The following OPCML variants were observed in gnomAD, a reference collection of about 807,000 sequenced individuals.
The protein encoded by OPCML is opioid-binding protein/cell adhesion molecule.
In OPCML, 13 loss-of-function variants were observed where a neutral mutation model predicts 37.8. That is an observed-to-expected ratio of 0.34 (90% CI 0.22 to 0.55). The LOEUF (loss-of-function observed/expected upper bound fraction) is 0.55, where lower values mean the gene tolerates loss of function less well. Ranked by LOEUF, OPCML falls within the 20% of genes least tolerant of loss-of-function variation. The pLI, the probability that OPCML is intolerant of heterozygous loss-of-function variation, is 0.91. For synonymous variants in OPCML, 176 were observed against 168.8 expected, an observed-to-expected ratio of 1.04 and a Z score of -0.33; for missense variants, 341 against 435.6, an observed-to-expected ratio of 0.78 and a Z score of 1.93.
At chr11:132,695,485 T>C (rs899564926) in intron 2 of OPCML, among the ~76,000 whole-genome samples, 1 of 152,164 alleles carries the variant, frequency 6.6e-6, no homozygotes, top group Non-Finnish European at 1.5e-5. Context: ...TATAACACAT[T>C]AAGGAGCTTA....
At chr11:132,730,134 T>C (rs1304389030) in intron 2 of OPCML, among the ~76,000 whole-genome samples, 2 of 147,896 alleles carry the variant, frequency 1.4e-5, no homozygotes, top group Non-Finnish European at 3.0e-5. Context: ...TGCCTCAGCC[T>C]CCCGAGTAGC....
chr11:132,614,459 C>G (rs1035601211), intron 3 of OPCML, among the ~76,000 whole-genome samples: 1 of 152,162 alleles, frequency 6.6e-6, no homozygotes, highest in Non-Finnish European at 1.5e-5. Flanking sequence ...GCAGTGACAC[C>G]TTCCTCTTCC....
chr11:133,529,621 T>C (rs1307723420), intron 1 of OPCML, among the ~76,000 whole-genome samples: 2 of 152,202 alleles, frequency 1.3e-5, no homozygotes, highest in Non-Finnish European at 2.9e-5. Context: ...GATGGATACA[T>C]GTTTTACCAA....
intron 2 of OPCML, among the ~76,000 whole-genome samples, chr11:132,687,859 G>C (rs769516287): frequency 6.6e-6 from 1 of 152,092 alleles, no homozygotes; most frequent in Non-Finnish European, 1.5e-5. Flanking sequence ...TAGAGGGGTA[G>C]ACTTTTTTAG....
intron 1 of OPCML, among the ~76,000 whole-genome samples, chr11:133,348,813 A>G (rs1420934032): frequency 6.6e-6 from 1 of 152,152 alleles, no homozygotes; most frequent in Non-Finnish European, 1.5e-5. Context: ...CTTCATCGAT[A>G]TTTATACCGT....
chr11:132,564,054 T>C (rs1388237302), intron 3 of OPCML, among the ~76,000 whole-genome samples: 1 of 152,110 alleles, frequency 6.6e-6, no homozygotes, highest in African/African-American at 2.4e-5. Context: ...GTGAGAAAAG[T>C]GAGGCTGAGC....
chr11:132,923,079 A>AAAATAAATAAAT (rs71477781), intron 2 of OPCML, among the ~76,000 whole-genome samples: 37 of 146,076 alleles, frequency 2.5e-4, no homozygotes, highest in Admixed American at 1.1e-3. Flanking sequence ...GTCTCAGAAA[A>AAAATAAATAAAT]AAATAAATAA....
chr11:133,370,043 C>CA (rs1944638473), intron 1 of OPCML, among the ~76,000 whole-genome samples: 1 of 152,100 alleles, frequency 6.6e-6, no homozygotes, highest in African/African-American at 2.4e-5. Flanking sequence ...TGATTTTGCA[C>CA]ATGAAACAAA....
At chr11:132,751,107 G>T (rs1378054956) in intron 2 of OPCML, among the ~76,000 whole-genome samples, 1 of 152,164 alleles carries the variant, frequency 6.6e-6, no homozygotes, top group East Asian at 1.9e-4. Flanking sequence ...AAGAACAAAA[G>T]CTGATCATGG....
intron 1 of OPCML, among the ~76,000 whole-genome samples, chr11:132,948,272 G>A (rs115192701): frequency 0.023 from 3,543 of 152,318 alleles, 147 homozygotes; most frequent in African/African-American, 0.08. Context: ...ACCAGGGTTG[G>A]TCAGGAGGCA....
chr11:132,729,217 T>A (rs1939524), intron 2 of OPCML, among the ~76,000 whole-genome samples: 105,848 of 152,090 alleles, frequency 0.7, 37,680 homozygotes, highest in African/African-American at 0.83. Flanking sequence ...ATGATTTTAT[T>A]TAACAACATC....
chr11:133,503,693 G>A lies in OPCML; in HGVS notation c.61+28571C>T, dbSNP rs116990008. 1.1e-3 allele frequency among the ~76,000 whole-genome samples: 160 copies of A among 152,346 alleles called. 1 individual carries two copies. In the East Asian group the frequency reaches 0.023, roughly 22 times the overall value. On this transcript the variant is annotated intron_variant, in intron 1 of 7. Transcript: ENST00000524381. ...GGGACATGGGATCTATCCGGGTCAG[G>A]CTGGGAGCTTTCCCAGTTTGACCTA... is the stretch of plus-strand genomic sequence containing the variant.
At chr11:132,739,976 T>C (rs1336481255) in intron 2 of OPCML, among the ~76,000 whole-genome samples, 1 of 152,150 alleles carries the variant, frequency 6.6e-6, no homozygotes, top group African/African-American at 2.4e-5. Flanking sequence ...GCAGGTGTTA[T>C]TTGATTTGTG....
chr11:133,092,737 A>T (rs1948927151), intron 1 of OPCML, among the ~76,000 whole-genome samples: 1 of 152,066 alleles, frequency 6.6e-6, no homozygotes, highest in Admixed American at 6.6e-5. Flanking sequence ...ACAAACAAAC[A>T]AAAACAAAAC....
chr11:133,447,493 A>G, intron 1 of OPCML, among the ~76,000 whole-genome samples: 1 of 152,184 alleles, frequency 6.6e-6, no homozygotes, highest in Non-Finnish European at 1.5e-5. Flanking sequence ...AGTACCCAAT[A>G]GTTCATTTTC....
intron 2 of OPCML, among the ~76,000 whole-genome samples, chr11:132,733,622 G>A (rs749919310): frequency 3.0e-4 from 45 of 152,160 alleles, no homozygotes; most frequent in South Asian, 8.3e-4. Context: ...CATTAGTAGT[G>A]GCACAAATCC....
At chr11:132,836,188 T>C (rs1477232514) in intron 2 of OPCML, among the ~76,000 whole-genome samples, 1 of 152,212 alleles carries the variant, frequency 6.6e-6, no homozygotes, top group Admixed American at 6.5e-5. Context: ...TAGACACCTG[T>C]ATCCATGGTG....
At chr11:133,073,261 G>A (rs931238060) in intron 1 of OPCML, among the ~76,000 whole-genome samples, 23 of 152,204 alleles carry the variant, frequency 1.5e-4, no homozygotes, top group African/African-American at 5.3e-4. Flanking sequence ...AGAAAAGCAA[G>A]GTGCAGCCCA....
At chr11:132,489,655 T>G (rs2137061397) in intron 4 of OPCML, among the ~76,000 whole-genome samples, 1 of 151,846 alleles carries the variant, frequency 6.6e-6, no homozygotes, top group South Asian at 2.1e-4. Flanking sequence ...CCGTTCTGTC[T>G]GTGGCCCATT....
Sources: gnomAD v4.1 joint callset for allele counts (sites outside exome capture counted in the v4.1 genomes callset) on GRCh38, gnomAD v4.1.1 for gene constraint, MANE v1.5 for transcripts, NCBI Gene and HGNC (gene_info 2026-07-23, HGNC 2026-07-21) for gene names.